CSNK2A1: variants seen among roughly 807,000 people sequenced by gnomAD.
CSNK2A1 encodes casein kinase II subunit alpha.
A neutral mutation model predicts 62.9 loss-of-function variants in CSNK2A1; 10 were observed. The observed-to-expected ratio is 0.16, with a 90% confidence interval of 0.10 to 0.27. The LOEUF (loss-of-function observed/expected upper bound fraction) is 0.27, where lower values mean the gene tolerates loss of function less well. CSNK2A1 is among the 10% of genes least tolerant of loss of function. CSNK2A1 has a pLI of 1.00. For missense variants in CSNK2A1, 160 were observed against 492.0 expected (o/e 0.33, Z 6.38); for synonymous variants, 124 against 167.8 (o/e 0.74, Z 2.02).
intron 2 of CSNK2A1, among the ~76,000 whole-genome samples, chr20:509,156 A>T (rs1410031414): frequency 6.6e-6 from 1 of 152,242 alleles, no homozygotes; most frequent in African/African-American, 2.4e-5. Context: ...GTTCTCATAC[A>T]TCAAAGCTCC....
At chr20:515,609 T>C (rs2018813497) in intron 2 of CSNK2A1, among the ~76,000 whole-genome samples, 1 of 152,132 alleles carries the variant, frequency 6.6e-6, no homozygotes, top group Admixed American at 6.5e-5. Context: ...ACACAATCAC[T>C]TTCTACTGCA....
rs548867872 is a variant in CSNK2A1 at position 525,329 on chromosome 20, T to C, written c.-110+2604A>G. ...GAGTTCGAGACCAGCCTGGGCAACA[T>C]GGCGAGACCTCGCCTCTATAAAAAT... On this transcript the variant is annotated intron_variant, in intron 2 of 13. Coordinates refer to ENST00000217244, the MANE Select transcript of CSNK2A1 (RefSeq NM_177559.3). 2.6e-5 allele frequency among the ~76,000 whole-genome samples: 4 copies of C among 151,378 alleles called. No individual in the cohort carries two copies. In the South Asian group the frequency reaches 8.4e-4, roughly 32 times the overall value.
At position 503,115 on chromosome 20, in the gene CSNK2A1, G is replaced by A. The variant is rs73569064; in HGVS notation, c.213+2003C>T. 8.3e-5 allele frequency: 15 copies of A among 180,628 alleles called. No homozygotes were observed. In the East Asian group the frequency reaches 1.6e-3, roughly 19 times the overall value. 11.2% of individuals were successfully genotyped at this position (180,628 alleles called of 1,614,324 possible). On this transcript the variant is annotated intron_variant, in intron 4 of 13. Transcript: ENST00000217244. ...ATCACAAAGAACTCCAGTCTCCAACGTATGTATATATACACACAATTTTGT... is the reference window on the plus strand; with the variant it reads ...ATCACAAAGAACTCCAGTCTCCAACATATGTATATATACACACAATTTTGT...
chr20:489,925 G>A (rs771793068), intron 9 of CSNK2A1, 44 bp from the exon 10 acceptor site: 3 of 1,421,016 alleles, frequency 2.1e-6, no homozygotes, highest in Admixed American at 4.5e-5. Flanking sequence ...GAATCCTCAG[G>A]CTTGTCACTT....
intron 2 of CSNK2A1, among the ~76,000 whole-genome samples, chr20:522,823 A>G (rs1718593943): frequency 6.6e-6 from 1 of 152,142 alleles, no homozygotes; most frequent in African/African-American, 2.4e-5. Context: ...CTCCTGCCCC[A>G]GCCTCCTAAG....
chr20:485,426 AC>A (rs1331187632), intron 13 of CSNK2A1, among the ~76,000 whole-genome samples: 3 of 151,236 alleles, frequency 2.0e-5, no homozygotes, highest in Admixed American at 2.0e-4. Flanking sequence ...CAAGTGACCC[AC>A]CCGCCTCAGC....
chr20:528,997 T>C (rs576774805), intron 1 of CSNK2A1, among the ~76,000 whole-genome samples: 1 of 152,242 alleles, frequency 6.6e-6, no homozygotes, highest in East Asian at 1.9e-4. Context: ...AGTCTGAAAA[T>C]ATTAAATGGA....
At chr20:535,739 CAAAAAAAAA>C (rs11477824) in intron 1 of CSNK2A1, among the ~76,000 whole-genome samples, 30 of 70,074 alleles carry the variant, frequency 4.3e-4, no homozygotes, top group Non-Finnish European at 8.0e-4. Flanking sequence ...GACTCCATCT[CAAAAAAAAA>C]AAAAAAAAAA....
At chr20:521,346 A>C (rs2018940996) in intron 2 of CSNK2A1, among the ~76,000 whole-genome samples, 1 of 152,248 alleles carries the variant, frequency 6.6e-6, no homozygotes, top group Non-Finnish European at 1.5e-5. Flanking sequence ...ATGAAATTAA[A>C]TCATACAACT....
At chr20:491,267 A>G (rs2018230265) in intron 9 of CSNK2A1, among the ~76,000 whole-genome samples, 1 of 152,164 alleles carries the variant, frequency 6.6e-6, no homozygotes, top group African/African-American at 2.4e-5. Context: ...TTTTTCTGTG[A>G]GGAGAAAGAA....
chr20:505,918 A>G (rs1419214969), intron 3 of CSNK2A1: 5 of 118,152 alleles, frequency 4.2e-5, no homozygotes, highest in Admixed American at 2.4e-4. Context: ...TCTGTCGCCC[A>G]GGCTGGAGTG....
chr20:496,310 T>C (rs1175764660), intron 7 of CSNK2A1: 2 of 156,548 alleles, frequency 1.3e-5, no homozygotes, highest in African/African-American at 4.8e-5. Context: ...TTATGGTTGC[T>C]CTTGTGCAAC....
chr20:534,169 A>C (rs1250514987), intron 1 of CSNK2A1, among the ~76,000 whole-genome samples: 3 of 152,250 alleles, frequency 2.0e-5, no homozygotes, highest in Non-Finnish European at 2.9e-5. Flanking sequence ...AGGTTAAATA[A>C]TCTGCCAAAA....
At chr20:488,985 C>T (rs903721430) in intron 10 of CSNK2A1, 1 of 435,002 alleles carries the variant, frequency 2.3e-6, no homozygotes, top group African/African-American at 2.1e-5. Flanking sequence ...GAAATGTCAC[C>T]CTGGTGAACC....
At chr20:525,670 A>T (rs930884479) in intron 2 of CSNK2A1, among the ~76,000 whole-genome samples, 11 of 147,294 alleles carry the variant, frequency 7.5e-5, no homozygotes, top group African/African-American at 2.7e-4. Context: ...AAAAAAAAGA[A>T]AAAAAAAATA....
intron 2 of CSNK2A1, among the ~76,000 whole-genome samples, chr20:513,692 T>C (rs188034610): frequency 1.4e-4 from 22 of 152,296 alleles, no homozygotes; most frequent in Admixed American, 1.1e-3. Flanking sequence ...GGCCCTGGCA[T>C]CCTCTGTGAG....
At chr20:511,652 T>C (rs1222324952) in intron 2 of CSNK2A1, among the ~76,000 whole-genome samples, 3 of 152,070 alleles carry the variant, frequency 2.0e-5, no homozygotes, top group African/African-American at 7.2e-5. Context: ...TAGCATGTGT[T>C]AGAATTCCAA....
At chr20:484,692 T>TGTG (rs1568495467) in intron 13 of CSNK2A1, among the ~76,000 whole-genome samples, 1 of 129,514 alleles carries the variant, frequency 7.7e-6, no homozygotes, top group African/African-American at 3.5e-5. Context: ...CTAATCATGT[T>TGTG]TTTGTGTGTG....
chr20:514,311 T>TC (rs2018785384), intron 2 of CSNK2A1, among the ~76,000 whole-genome samples: 1 of 151,588 alleles, frequency 6.6e-6, no homozygotes, highest in Non-Finnish European at 1.5e-5. Context: ...ACCACTGCAC[T>TC]CCAACCTGGG....
Sources: gnomAD v4.1 joint callset for allele counts (sites outside exome capture counted in the v4.1 genomes callset) on GRCh38, gnomAD v4.1.1 for gene constraint, MANE v1.5 for transcripts, NCBI Gene and HGNC (gene_info 2026-07-23, HGNC 2026-07-21) for gene names.